The following LRBA variants were observed in gnomAD, a reference collection of about 807,000 sequenced individuals.
LRBA encodes lipopolysaccharide-responsive and beige-like anchor protein.
LRBA carries 176 observed loss-of-function variants against 330.0 expected under a neutral mutation model. That is an observed-to-expected ratio of 0.53 (90% CI 0.47 to 0.60). The LOEUF is 0.60. LRBA is among the 20% of genes least tolerant of loss of function. The pLI is 0.00. For missense variants in LRBA, 3,259 were observed against 3,444.8 expected, an observed-to-expected ratio of 0.95 and a Z score of 1.35; for synonymous variants, 1,230 against 1,193.0, an observed-to-expected ratio of 1.03 and a Z score of -0.64.
chr4:150,345,308 T>C (rs527304825), intron 48 of LRBA, among the ~76,000 whole-genome samples: 149 of 152,350 alleles, frequency 9.8e-4, no homozygotes, highest in Non-Finnish European at 1.6e-3. Context: ...AAAAGGTTGT[T>C]GAAAAAATGA....
At chr4:150,506,924 A>G (rs1761166075) in intron 40 of LRBA, among the ~76,000 whole-genome samples, 1 of 152,120 alleles carries the variant, frequency 6.6e-6, no homozygotes, top group Non-Finnish European at 1.5e-5. Flanking sequence ...GCATTCTTAT[A>G]CACGAATAAC....
At chr4:150,603,024 T>C (rs1561412008) in intron 37 of LRBA, among the ~76,000 whole-genome samples, 1 of 152,170 alleles carries the variant, frequency 6.6e-6, no homozygotes, top group Non-Finnish European at 1.5e-5. Context: ...CACAACACCC[T>C]TTCACAAACT....
intron 40 of LRBA, among the ~76,000 whole-genome samples, chr4:150,526,496 C>A (rs1422900253): frequency 1.3e-5 from 2 of 152,132 alleles, no homozygotes; most frequent in African/African-American, 4.8e-5. Context: ...GATTGTGGGA[C>A]AAGCATCAGT....
intron 47 of LRBA, among the ~76,000 whole-genome samples, chr4:150,383,839 G>T (rs62347034): frequency 0.22 from 33,066 of 151,938 alleles, 4,419 homozygotes; most frequent in Non-Finnish European, 0.31. Context: ...CTCTCAAAAA[G>T]AATGTCTAAA....
chr4:150,596,859 T>C (rs1490671968), intron 38 of LRBA, among the ~76,000 whole-genome samples: 1 of 151,566 alleles, frequency 6.6e-6, no homozygotes. Flanking sequence ...ATTCCCTTTT[T>C]ATTTAAAATA....
intron 2 of LRBA, among the ~76,000 whole-genome samples, chr4:150,952,149 C>T (rs1736898170): frequency 6.6e-6 from 1 of 152,044 alleles, no homozygotes; most frequent in Non-Finnish European, 1.5e-5. Flanking sequence ...CTCCAAGGAG[C>T]AGTACTGGTC....
At position 150,467,669 on chromosome 4, in the gene LRBA, T is replaced by C; in HGVS notation, c.6780+4A>G. On this transcript the variant is annotated splice_donor_region_variant and intron_variant, in intron 44 of 56. Coordinates refer to ENST00000651943, the MANE Select transcript of LRBA (RefSeq NM_001364905.1). ...TATATTTCACATCATTACTGAGAAA[T>C]TACCTTGGACAAATCTCTGAAGTTG... The C allele has an allele frequency of 6.6e-7, 1 of 1,509,462 alleles. No individual in the cohort carries two copies. The highest frequency in any genetic ancestry group is 9.2e-7 in the Non-Finnish European group (1 of 1,091,580). The allele number at this position is 1,509,462 out of a possible 1,614,324, so 93.5% of individuals were successfully genotyped here.
At chr4:150,836,031 T>A (rs1041291350) in intron 28 of LRBA, among the ~76,000 whole-genome samples, 9 of 152,118 alleles carry the variant, frequency 5.9e-5, no homozygotes, top group African/African-American at 2.2e-4. Context: ...ATTTTGTCAA[T>A]GGCCTTTTCT....
chr4:150,446,668 C>G (rs1000629378), intron 44 of LRBA, among the ~76,000 whole-genome samples: 1 of 152,178 alleles, frequency 6.6e-6, no homozygotes, highest in African/African-American at 2.4e-5. Flanking sequence ...ATATTCCTCC[C>G]CAGTGCTCCC....
At chr4:150,585,242 C>G (rs554825003) in intron 40 of LRBA, among the ~76,000 whole-genome samples, 274 of 152,180 alleles carry the variant, frequency 1.8e-3, no homozygotes, top group South Asian at 3.3e-3. Flanking sequence ...AATCCTCTCC[C>G]CAAGCATATG....
At chr4:150,553,317 TG>T (rs1483785780) in intron 40 of LRBA, among the ~76,000 whole-genome samples, 2 of 151,256 alleles carry the variant, frequency 1.3e-5, no homozygotes, top group African/African-American at 4.9e-5. Context: ...GGGCCTGTCG[TG>T]GGGTGGGGGG....
intron 43 of LRBA, among the ~76,000 whole-genome samples, chr4:150,468,775 G>A (rs1294055581): frequency 6.6e-6 from 1 of 151,734 alleles, no homozygotes; most frequent in Non-Finnish European, 1.5e-5. Flanking sequence ...ATACGTAGCT[G>A]AATATTAAAG....
At chr4:150,591,060 TA>T (rs1473433338) in intron 38 of LRBA, among the ~76,000 whole-genome samples, 1 of 152,156 alleles carries the variant, frequency 6.6e-6, no homozygotes, top group African/African-American at 2.4e-5. Context: ...AATGTTACCC[TA>T]AACAAGCACC....
chr4:150,751,070 A>G (rs1195404233), intron 35 of LRBA, among the ~76,000 whole-genome samples: 1 of 152,160 alleles, frequency 6.6e-6, no homozygotes, highest in Non-Finnish European at 1.5e-5. Context: ...TCAAGCATCT[A>G]AATTTATCTA....
intron 23 of LRBA, among the ~76,000 whole-genome samples, chr4:150,851,431 T>C (rs1001233996): frequency 7.9e-5 from 12 of 152,230 alleles, no homozygotes; most frequent in Non-Finnish European, 1.5e-4. Context: ...GAGAAGGCTG[T>C]GCCTCTAGAT....
At chr4:150,693,461 G>C (rs1313841315) in intron 36 of LRBA, among the ~76,000 whole-genome samples, 1 of 147,986 alleles carries the variant, frequency 6.8e-6, no homozygotes, top group Non-Finnish European at 1.5e-5. Flanking sequence ...CTACTTGGGA[G>C]GCTGAGGCAG....
chr4:150,490,786 A>T, intron 41 of LRBA, 132 bp downstream of exon 41: 1 of 460,390 alleles, frequency 2.2e-6, no homozygotes, highest in Non-Finnish European at 3.9e-6. Context: ...TTTGGTACAA[A>T]AAAAGAGGTC....
chr4:150,636,239 A>G (rs1168593536), intron 37 of LRBA, among the ~76,000 whole-genome samples: 1 of 150,106 alleles, frequency 6.7e-6, no homozygotes, highest in Non-Finnish European at 1.5e-5. Context: ...GTACTTTGGA[A>G]CTATGCAAAT....
chr4:150,629,158 T>C (rs1353894433), intron 37 of LRBA, among the ~76,000 whole-genome samples: 1 of 152,176 alleles, frequency 6.6e-6, no homozygotes, highest in Non-Finnish European at 1.5e-5. Flanking sequence ...TGCCTCAGCC[T>C]CACTACGTGC....
Sources: gnomAD v4.1 joint callset for allele counts (sites outside exome capture counted in the v4.1 genomes callset) on GRCh38, gnomAD v4.1.1 for gene constraint, MANE v1.5 for transcripts, NCBI Gene and HGNC (gene_info 2026-07-23, HGNC 2026-07-21) for gene names.